Variants in SOCS2 observed in about 807,000 individuals in gnomAD.
SOCS2 encodes CIS-2.
Under a neutral mutation model 18.6 loss-of-function variants are expected in SOCS2, and 10 were observed. That is an observed-to-expected ratio of 0.54 (90% CI 0.33 to 0.91). The LOEUF is 0.91. Among genes scored for constraint, SOCS2 ranks in the 40% least tolerant of loss-of-function variants. The probability of loss-of-function intolerance (pLI) is 0.02; values close to 1 mark genes in which losing one functional copy is unlikely to be tolerated. For synonymous variants in SOCS2, 104 were observed against 104.0 expected (o/e 1.00, Z 0.00); for missense variants, 231 against 247.2 (o/e 0.93, Z 0.44).
the SOCS2 span, among the ~76,000 whole-genome samples, chr12:93,596,075 T>C: frequency 6.6e-6 from 1 of 152,184 alleles, no homozygotes; most frequent in African/African-American, 2.4e-5. Flanking sequence ...GAAACCTGAT[T>C]GTTAAATGGT....
At chr12:93,609,317 G>A in the SOCS2 span, among the ~76,000 whole-genome samples, 1,218 of 152,154 alleles carry the variant, frequency 8.0e-3, 13 homozygotes, top group African/African-American at 0.027. Flanking sequence ...GCTTGAACCC[G>A]GGAGACAGAG....
At chr12:93,579,723 G>A (rs746280173), downstream of SOCS2, among the ~76,000 whole-genome samples, 14 of 152,288 alleles carry the variant, frequency 9.2e-5, no homozygotes, top group East Asian at 2.5e-3. Context: ...AAGGTAACAA[G>A]TGTTGTTAGA....
At chr12:93,600,951 A>T in the SOCS2 span, among the ~76,000 whole-genome samples, 268 of 151,158 alleles carry the variant, frequency 1.8e-3, no homozygotes, top group South Asian at 0.014. Flanking sequence ...ACCACACCTG[A>T]CTAATTTTTT....
chr12:93,606,417 G>A, the SOCS2 span, among the ~76,000 whole-genome samples: 2 of 151,962 alleles, frequency 1.3e-5, no homozygotes, highest in Non-Finnish European at 2.9e-5. Context: ...AATGCTGTAG[G>A]TCACACAGTT....
At position 93,573,059 on chromosome 12, in the gene SOCS2, C is replaced by T. The variant is rs759270787; in HGVS notation, c.139+23C>T. ...CAGGTAGGGAGCCGATCGGCCGCGA[C>T]GCGTGCGGGAGGGAGCGCCTCCCCA... On this transcript the variant is annotated intron_variant, in intron 1 of 1. Transcript: ENST00000551556. 6 of 1,553,868 alleles carry T rather than the reference C, an allele frequency of 3.9e-6. No individual in the cohort carries two copies. The South Asian group carries it at 4.7e-5, about 12-fold the overall frequency.
chr12:93,579,094 A>G (rs17021323), downstream of SOCS2, among the ~76,000 whole-genome samples: 3,621 of 152,198 alleles, frequency 0.024, 53 homozygotes, highest in African/African-American at 0.028. Context: ...TGATGATCTC[A>G]TTTCTACCTC....
At chr12:93,615,362 A>G in the SOCS2 span, among the ~76,000 whole-genome samples, 2 of 152,278 alleles carry the variant, frequency 1.3e-5, no homozygotes, top group South Asian at 2.1e-4. Flanking sequence ...GTTTCTCTCC[A>G]CTGGCACCAA....
downstream of SOCS2, among the ~76,000 whole-genome samples, chr12:93,583,680 G>C (rs1383550186): frequency 2.6e-5 from 4 of 152,132 alleles, no homozygotes; most frequent in Admixed American, 2.0e-4. Context: ...GCGTTGGGCA[G>C]GCCATGGGTT....
At chr12:93,589,991 C>T in the SOCS2 span, among the ~76,000 whole-genome samples, 1 of 152,056 alleles carries the variant, frequency 6.6e-6, no homozygotes, top group South Asian at 2.1e-4. Context: ...TGGTGGCTCA[C>T]GCCTGTAATC....
In SOCS2 at chr12:93,572,959, G is replaced by A. The variant is rs753169014; in HGVS notation, c.62G>A (p.Gly21Glu). 3.8e-6 allele frequency: 6 copies of A among 1,568,728 alleles called. No individual in the cohort carries two copies. Among genetic ancestry groups the A allele is most frequent in the Non-Finnish European group, 5.2e-6 (6 of 1,156,734 alleles). ...GGGGAAGGGACGCGGAGCCAGTGGG[G>A]GACCGCGGGGTCGGCGGAGGAGCCA... is the stretch of plus-strand genomic sequence containing the variant. ...NGGEGTRSQW[G>E]TAGSAEEPSP... Residue 21 changes from glycine (G) to glutamate (E), a missense_variant, in exon 1 of 2, where the codon GGG becomes GAG. By Grantham distance (98) the Gly-to-Glu change is moderately conservative. Transcript: ENST00000551556. This position sits in a 1 kb window ranked among gnomAD's most constrained non-coding sequence, Gnocchi z 5.0.
At chr12:93,614,012 G>C in the SOCS2 span, among the ~76,000 whole-genome samples, 2 of 152,068 alleles carry the variant, frequency 1.3e-5, no homozygotes, top group African/African-American at 4.8e-5. Context: ...AAAGGTCCTT[G>C]TTAGCCCACA....
intron 1 of SOCS2, among the ~76,000 whole-genome samples, chr12:93,582,062 C>T (rs1296904384): frequency 6.6e-6 from 1 of 152,174 alleles, no homozygotes; most frequent in East Asian, 1.9e-4. Context: ...TTGTAAAATG[C>T]ATTGTTAAAG....
chr12:93,617,207 G>A, the SOCS2 span, among the ~76,000 whole-genome samples: 2 of 152,158 alleles, frequency 1.3e-5, no homozygotes, highest in Non-Finnish European at 2.9e-5. Context: ...AGAAATTGTG[G>A]GCCTGTTCCT....
chr12:93,624,251 T>C, the SOCS2 span, among the ~76,000 whole-genome samples: 1 of 152,182 alleles, frequency 6.6e-6, no homozygotes, highest in Non-Finnish European at 1.5e-5. Context: ...GCTTTGACTT[T>C]GGACTTCCCA....
At chr12:93,615,031 GC>G in the SOCS2 span, among the ~76,000 whole-genome samples, 1 of 151,932 alleles carries the variant, frequency 6.6e-6, no homozygotes, top group African/African-American at 2.4e-5. Context: ...AATTTTCCAG[GC>G]CCTGTTTGGG....
At chr12:93,603,159 G>T in the SOCS2 span, among the ~76,000 whole-genome samples, 1 of 152,138 alleles carries the variant, frequency 6.6e-6, no homozygotes, top group Non-Finnish European at 1.5e-5. Context: ...AAAATAGCTG[G>T]AAATCCAGAC....
the SOCS2 span, among the ~76,000 whole-genome samples, chr12:93,598,049 A>G: frequency 6.6e-6 from 1 of 152,246 alleles, no homozygotes; most frequent in African/African-American, 2.4e-5. Context: ...ATTTGAATAC[A>G]TGAGATAATT....
chr12:93,588,568 G>A, the SOCS2 span, among the ~76,000 whole-genome samples: 1 of 151,994 alleles, frequency 6.6e-6, no homozygotes, highest in East Asian at 1.9e-4. Context: ...TGGGGAGAAG[G>A]AGGAAGAGGA....
chr12:93,615,191 T>C, the SOCS2 span, among the ~76,000 whole-genome samples: 1 of 152,244 alleles, frequency 6.6e-6, no homozygotes. Flanking sequence ...TCATCAGTGA[T>C]CTACTTGTCT....
Sources: gnomAD v4.1 joint callset for allele counts (sites outside exome capture counted in the v4.1 genomes callset) on GRCh38, gnomAD v4.1.1 for gene constraint, Gnocchi (gnomAD v3.1) non-coding constraint, MANE v1.5 for transcripts, NCBI Gene and HGNC (gene_info 2026-07-23, HGNC 2026-07-21) for gene names.